PTTG1IP2: variants seen among roughly 807,000 people sequenced by gnomAD.
The protein encoded by PTTG1IP2 is PTTG1IP family member 2.
At chr7:90,505,122 T>C (rs1326015636) in intron 6 of PTTG1IP2, among the ~76,000 whole-genome samples, 2 of 152,222 alleles carry the variant, frequency 1.3e-5, no homozygotes, top group Non-Finnish European at 2.9e-5. Context: ...TTACACTCTA[T>C]ACTTCATTAT....
intron 2 of PTTG1IP2, among the ~76,000 whole-genome samples, chr7:90,481,695 T>C (rs1044371655): frequency 2.0e-5 from 3 of 152,214 alleles, no homozygotes; most frequent in African/African-American, 7.2e-5. Context: ...ATTTCTCTTT[T>C]GGACTTGAAC....
intron 6 of PTTG1IP2, among the ~76,000 whole-genome samples, chr7:90,505,146 A>G (rs1363053328): frequency 1.3e-5 from 2 of 152,230 alleles, no homozygotes; most frequent in Non-Finnish European, 2.9e-5. Context: ...CCTATTCAAT[A>G]AGAACACATT....
At chr7:90,498,732 T>C (rs989896363) in intron 6 of PTTG1IP2, among the ~76,000 whole-genome samples, 1 of 152,258 alleles carries the variant, frequency 6.6e-6, no homozygotes, top group East Asian at 1.9e-4. Context: ...TGGATAATAG[T>C]TTCCTAATAC....
chr7:90,489,241 T>C (rs1441537392), intron 4 of PTTG1IP2, among the ~76,000 whole-genome samples: 1 of 151,910 alleles, frequency 6.6e-6, no homozygotes, highest in Non-Finnish European at 1.5e-5. Context: ...TACCTCCATA[T>C]ATTTGATTTT....
intron 6 of PTTG1IP2, among the ~76,000 whole-genome samples, chr7:90,511,006 A>C (rs1798183728): frequency 6.6e-6 from 1 of 151,900 alleles, no homozygotes; most frequent in South Asian, 2.1e-4. Context: ...TCTTCTCTTT[A>C]CTCTGTTGTC....
At chr7:90,492,733 T>G (rs901880736) in intron 5 of PTTG1IP2, among the ~76,000 whole-genome samples, 2 of 152,170 alleles carry the variant, frequency 1.3e-5, no homozygotes, top group African/African-American at 2.4e-5. Context: ...GAGATATTCA[T>G]AGCTTCCCCT....
intron 6 of PTTG1IP2, among the ~76,000 whole-genome samples, chr7:90,511,213 G>A (rs890572556): frequency 1.3e-5 from 2 of 152,098 alleles, no homozygotes; most frequent in African/African-American, 2.4e-5. Flanking sequence ...TCTTAGGAAA[G>A]TGTAAGATAT....
At chr7:90,499,582 A>G (rs1483402968) in intron 6 of PTTG1IP2, among the ~76,000 whole-genome samples, 2 of 151,834 alleles carry the variant, frequency 1.3e-5, no homozygotes, top group Admixed American at 1.3e-4. Context: ...TTATTTTTTT[A>G]TTATTATTTT....
intron 1 of PTTG1IP2, among the ~76,000 whole-genome samples, chr7:90,472,098 G>C (rs1797695214): frequency 6.6e-6 from 1 of 151,942 alleles, no homozygotes; most frequent in African/African-American, 2.4e-5. Flanking sequence ...TAAAACTGTA[G>C]CTTCTTGAAA....
chr7:90,511,880 A>G (rs189501500), intron 6 of PTTG1IP2, among the ~76,000 whole-genome samples: 80 of 152,338 alleles, frequency 5.3e-4, no homozygotes, highest in East Asian at 1.2e-3. Context: ...TGGTGATACA[A>G]TGAGCTAACA....
chr7:90,473,574 T>G (rs1308775659), intron 1 of PTTG1IP2, among the ~76,000 whole-genome samples: 1 of 152,224 alleles, frequency 6.6e-6, no homozygotes, highest in East Asian at 1.9e-4. Context: ...TTTATGGTTT[T>G]CTGCCACTAG....
intron 2 of PTTG1IP2, among the ~76,000 whole-genome samples, chr7:90,479,911 C>G (rs894752153): frequency 6.6e-6 from 1 of 152,186 alleles, no homozygotes; most frequent in African/African-American, 2.4e-5. Flanking sequence ...TAGTTGGTGT[C>G]TCTCATAGTG....
chr7:90,506,806 G>C (rs1178039136), intron 6 of PTTG1IP2, among the ~76,000 whole-genome samples: 1 of 152,028 alleles, frequency 6.6e-6, no homozygotes, highest in Non-Finnish European at 1.5e-5. Context: ...AAATCTAATG[G>C]GTAATTCTAA....
intron 6 of PTTG1IP2, among the ~76,000 whole-genome samples, chr7:90,510,601 G>A (rs886623493): frequency 6.6e-6 from 1 of 152,164 alleles, no homozygotes. Flanking sequence ...TCTAATGGAA[G>A]TATGGTAGGA....
chr7:90,479,693 A>T (rs1019816070), intron 2 of PTTG1IP2, among the ~76,000 whole-genome samples: 1 of 148,972 alleles, frequency 6.7e-6, no homozygotes, highest in Non-Finnish European at 1.5e-5. Flanking sequence ...CTCTTCTTTG[A>T]TGATTAAATG....
At chr7:90,475,475 A>C (rs1303367764) in intron 1 of PTTG1IP2, among the ~76,000 whole-genome samples, 1 of 152,192 alleles carries the variant, frequency 6.6e-6, no homozygotes, top group Non-Finnish European at 1.5e-5. Flanking sequence ...AATATAATCA[A>C]CACAAACATA....
intron 1 of PTTG1IP2, among the ~76,000 whole-genome samples, chr7:90,477,208 G>A (rs534195224): frequency 6.6e-6 from 1 of 152,274 alleles, no homozygotes; most frequent in African/African-American, 2.4e-5. Context: ...CAAACATCAG[G>A]CCTTGAGGGT....
At chr7:90,508,514 T>G (rs17867114) in intron 6 of PTTG1IP2, among the ~76,000 whole-genome samples, 50 of 152,164 alleles carry the variant, frequency 3.3e-4, no homozygotes, top group African/African-American at 1.2e-3. Flanking sequence ...GAATAAACAG[T>G]AGACATGAAG....
At chr7:90,511,782 T>C (rs1798193051) in intron 6 of PTTG1IP2, among the ~76,000 whole-genome samples, 1 of 152,208 alleles carries the variant, frequency 6.6e-6, no homozygotes, top group African/African-American at 2.4e-5. Flanking sequence ...CTGTTTGTGA[T>C]ATCTTGGGCA....
Sources: gnomAD v4.1 joint callset for allele counts (sites outside exome capture counted in the v4.1 genomes callset) on GRCh38, gnomAD v4.1.1 for gene constraint, MANE v1.5 for transcripts, NCBI Gene and HGNC (gene_info 2026-07-23, HGNC 2026-07-21) for gene names.